TM9SF4: variants seen among roughly 807,000 people sequenced by gnomAD.
TM9SF4 encodes dinucleotide oxidase disulfide thiol exchanger 3 superfamily member 4.
TM9SF4 carries 26 observed loss-of-function variants against 90.4 expected under a neutral mutation model. The ratio of observed to expected loss-of-function variants is 0.29; its 90% CI spans 0.21 to 0.40. TM9SF4 has a LOEUF of 0.40. Among genes scored for constraint, TM9SF4 ranks in the 10% least tolerant of loss-of-function variants. TM9SF4 has a pLI of 1.00. For missense variants in TM9SF4, 549 were observed against 834.8 expected (o/e 0.66, Z 4.22); for synonymous variants, 293 against 315.4 (o/e 0.93, Z 0.75).
chr20:32,138,663 A>G (rs2046628221), intron 3 of TM9SF4, among the ~76,000 whole-genome samples: 1 of 152,244 alleles, frequency 6.6e-6, no homozygotes, highest in Non-Finnish European at 1.5e-5. Flanking sequence ...TCTCAAAAAC[A>G]AAACAAAAAC....
At position 32,149,688 on chromosome 20, in the gene TM9SF4, C is replaced by A. The variant is rs199845790; in HGVS notation, c.1009C>A (p.Pro337Thr). The change falls in exon 10 of 18, where the codon CCC (proline) becomes ACC (threonine). Residue 337 changes from proline (P) to threonine (T), a missense_variant. By Grantham distance (38) the Pro-to-Thr change is conservative. This residue lies in a region of TM9SF4 where 495 missense variants were observed against 711.7 expected (regional missense o/e 0.70). Coordinates refer to ENST00000398022, the MANE Select transcript of TM9SF4 (RefSeq NM_014742.4). The part of the protein sequence containing the change: ...WKLVHGDVFR[P>T]PQYPMILSSL... The stretch of plus-strand genomic sequence containing the variant: ...GTTGGTGCACGGCGACGTCTTCAGG[C>A]CCCCCCAGTACCCCATGATCCTCAG... The A allele has an allele frequency of 4.3e-6, 7 of 1,613,964 alleles. No individual in the cohort carries two copies. In the Admixed American group the frequency reaches 1.2e-4, roughly 27 times the overall value.
At chr20:32,154,882 A>C (rs1001585758) in intron 12 of TM9SF4, among the ~76,000 whole-genome samples, 3 of 152,206 alleles carry the variant, frequency 2.0e-5, no homozygotes, top group Non-Finnish European at 4.4e-5. Flanking sequence ...GTAATTACGA[A>C]CTGGGATGAG....
intron 13 of TM9SF4, among the ~76,000 whole-genome samples, 192 bp from the exon 14 acceptor site, chr20:32,157,602 G>A (rs1348158857): frequency 6.6e-6 from 1 of 152,206 alleles, no homozygotes; most frequent in African/African-American, 2.4e-5. Flanking sequence ...CTTCTTCACT[G>A]GGAGTCCAGA....
intron 1 of TM9SF4, among the ~76,000 whole-genome samples, chr20:32,123,168 A>AGAGGGGGAGGGGGGGAGGGGGG (rs2046353857): frequency 2.8e-5 from 1 of 35,122 alleles, no homozygotes; most frequent in African/African-American, 1.0e-4. Context: ...GAGGAGAGGG[A>AGAGGGGGAGGGGGGGAGGGGGG]GAGGGGGAGG....
At chr20:32,127,474 T>A (rs1224272978) in intron 1 of TM9SF4, among the ~76,000 whole-genome samples, 2 of 152,104 alleles carry the variant, frequency 1.3e-5, no homozygotes, top group Non-Finnish European at 2.9e-5. Flanking sequence ...ATACCACAAA[T>A]CAATGTTTGT....
chr20:32,154,296 G>A (rs935017785), intron 12 of TM9SF4, among the ~76,000 whole-genome samples: 1 of 151,614 alleles, frequency 6.6e-6, no homozygotes, highest in African/African-American at 2.4e-5. Context: ...CCACAGGTGC[G>A]TACTACCACG....
intron 1 of TM9SF4, among the ~76,000 whole-genome samples, chr20:32,119,370 C>T (rs1192023736): frequency 1.3e-5 from 2 of 152,128 alleles, no homozygotes; most frequent in African/African-American, 4.8e-5. Flanking sequence ...CCGAGGCAAG[C>T]AGATTCTAGT....
intron 2 of TM9SF4, among the ~76,000 whole-genome samples, chr20:32,134,726 G>A (rs1311303496): frequency 6.6e-6 from 1 of 151,234 alleles, no homozygotes; most frequent in Non-Finnish European, 1.5e-5. Context: ...AGGCTGGAGT[G>A]CAGTGGCATG....
chr20:32,154,160 G>A (rs910405569), intron 12 of TM9SF4, among the ~76,000 whole-genome samples: 1 of 152,092 alleles, frequency 6.6e-6, no homozygotes, highest in Non-Finnish European at 1.5e-5. Flanking sequence ...GGGTTTTTGT[G>A]TGTGTGTGAG....
At chr20:32,113,042 C>CA (rs1309406484) in intron 1 of TM9SF4, among the ~76,000 whole-genome samples, 1 of 152,172 alleles carries the variant, frequency 6.6e-6, no homozygotes, top group Non-Finnish European at 1.5e-5. Context: ...ACCCTCATTT[C>CA]ATAACCATTG....
chr20:32,162,713 G>A (rs568569110), intron 17 of TM9SF4, among the ~76,000 whole-genome samples: 1 of 152,258 alleles, frequency 6.6e-6, no homozygotes, highest in Admixed American at 6.5e-5. Flanking sequence ...GATTCACACT[G>A]CAGTCTCCCT....
In TM9SF4 at chr20:32,143,003, T is replaced by G. The variant is rs1306391710; in HGVS notation, c.550T>G (p.Ser184Ala). ...VNKIYLHNHL[S>A]FILYYHREDM... is the part of the protein sequence containing the mutation. ...TCAGATCTACCTGCACAACCACCTC[T>G]CATTCATCCTTTACTATCATCGGGA... Residue 184 changes from serine (S) to alanine (A), a missense_variant, in exon 6 of 18, where the codon TCA becomes GCA. By Grantham distance (99) the Ser-to-Ala change is moderately conservative (BLOSUM62 1). Coordinates refer to ENST00000398022, the MANE Select transcript of TM9SF4 (RefSeq NM_014742.4). The G allele has an allele frequency of 5.6e-6, 9 of 1,613,610 alleles. No individual in the cohort carries two copies. Among genetic ancestry groups the G allele is most frequent in the African/African-American group, 1.3e-5 (1 of 74,928 alleles).
At chr20:32,127,094 T>C (rs2046434140) in intron 1 of TM9SF4, among the ~76,000 whole-genome samples, 1 of 152,228 alleles carries the variant, frequency 6.6e-6, no homozygotes, top group Non-Finnish European at 1.5e-5. Flanking sequence ...GGCTAAATCC[T>C]GTTTAATCCT....
intron 1 of TM9SF4, among the ~76,000 whole-genome samples, chr20:32,115,742 T>G (rs1439694897): frequency 8.6e-5 from 13 of 151,928 alleles, no homozygotes; most frequent in African/African-American, 2.9e-4. Context: ...GTTTGCGCTT[T>G]TAAGCCTCAA....
At position 32,145,087 on chromosome 20, in the gene TM9SF4, T is replaced by C; in HGVS notation, c.653-4T>C. ...GGAACAGACTGAGTCTGTGTCTCTC[T>C]CAGACCTCAAAGCAGATGAGAAGAG... On this transcript the variant is annotated splice_region_variant and splice_polypyrimidine_tract_variant and intron_variant, in intron 6 of 17. Coordinates refer to ENST00000398022, the MANE Select transcript of TM9SF4 (RefSeq NM_014742.4). The C allele has an allele frequency of 1.2e-6, 2 of 1,613,840 alleles. No individual in the cohort carries two copies. Among genetic ancestry groups the C allele is most frequent in the Non-Finnish European group, 1.7e-6 (2 of 1,179,726 alleles).
chr20:32,153,679 G>T (rs1472909134), intron 12 of TM9SF4, among the ~76,000 whole-genome samples: 1 of 152,218 alleles, frequency 6.6e-6, no homozygotes, highest in Non-Finnish European at 1.5e-5. Flanking sequence ...AGGAGTTTGA[G>T]GCTGCGGTGA....
At chr20:32,116,862 C>CTTTTTTTTTTTTTTT (rs201365030) in intron 1 of TM9SF4, among the ~76,000 whole-genome samples, 50 of 95,882 alleles carry the variant, frequency 5.2e-4, no homozygotes, top group Non-Finnish European at 7.7e-4. Context: ...TTTCCTTTTT[C>CTTTTTTTTTTTTTTT]TTTTTTTTTT....
chr20:32,122,722 C>T (rs964140959), intron 1 of TM9SF4, among the ~76,000 whole-genome samples: 4 of 149,988 alleles, frequency 2.7e-5, no homozygotes, highest in Admixed American at 6.6e-5. Flanking sequence ...ACATCCCAGA[C>T]GATGGGTGGC....
Position 32,150,615 on chromosome 20 carries a change from T to C in TM9SF4, c.1088-7T>C. 1.2e-6 allele frequency: 2 copies of C among 1,614,102 alleles called. No homozygotes were observed. Among genetic ancestry groups the C allele is most frequent in the Non-Finnish European group, 1.7e-6 (2 of 1,179,994 alleles). On this transcript the variant is annotated splice_polypyrimidine_tract_variant and splice_region_variant and intron_variant, in intron 10 of 17. Transcript: ENST00000398022. ...TCTCTGCCCTTCCTCCCTCCCTCCC[T>C]CCACAGTTGTAGCCATGCTTGGGAT...
Sources: gnomAD v4.1 joint callset for allele counts (sites outside exome capture counted in the v4.1 genomes callset) on GRCh38, gnomAD v4.1.1 for gene constraint, gnomAD v4.1.1 regional missense constraint, MANE v1.5 for transcripts, NCBI Gene and HGNC (gene_info 2026-07-23, HGNC 2026-07-21) for gene names.